The following LOC128125822 variants were observed in gnomAD, a reference collection of about 807,000 sequenced individuals.
the LOC128125822 span, chr6:63,580,072 T>A: frequency 6.2e-7 from 1 of 1,612,592 alleles, no homozygotes; most frequent in Non-Finnish European, 8.5e-7. Flanking sequence ...GGCGTGGAGC[T>A]TTTAACAGCA....
chr6:63,576,842 A>AT, the LOC128125822 span: 1 of 1,511,558 alleles, frequency 6.6e-7, no homozygotes, highest in South Asian at 1.2e-5. Flanking sequence ...TTTTTTAATT[A>AT]TTTCATAACC....
the LOC128125822 span, chr6:63,579,461 C>A: frequency 1.7e-6 from 1 of 587,574 alleles, no homozygotes; most frequent in Non-Finnish European, 2.7e-6. Flanking sequence ...ACCAGGAAAT[C>A]AAGATCTTAC....
the LOC128125822 span, chr6:63,583,477 A>G: frequency 6.6e-6 from 1 of 152,236 alleles, no homozygotes; most frequent in African/African-American, 2.4e-5. Context: ...ATTTGCCTTC[A>G]ATGAATTAAA....
the LOC128125822 span, chr6:63,578,329 C>G: frequency 3.2e-6 from 4 of 1,251,618 alleles, no homozygotes; most frequent in Non-Finnish European, 2.1e-6. Flanking sequence ...TTTAAATGAT[C>G]TTCTGTTAAC....
At chr6:63,572,541 A>C in the LOC128125822 span, 1 of 395,924 alleles carries the variant, frequency 2.5e-6, no homozygotes, top group East Asian at 3.6e-5. Context: ...CTCTGCTCCG[A>C]GCCGCTCACT....
chr6:63,581,187 T>C, the LOC128125822 span: 2 of 152,516 alleles, frequency 1.3e-5, no homozygotes, highest in Non-Finnish European at 2.9e-5. Flanking sequence ...AAGAAATGGG[T>C]TTCTGCTAAT....
At chr6:63,573,386 A>C in the LOC128125822 span, 1 of 152,434 alleles carries the variant, frequency 6.6e-6, no homozygotes, top group South Asian at 2.1e-4. Context: ...CGGGACAGCC[A>C]CTGGGTGCAG....
the LOC128125822 span, chr6:63,578,778 G>A: frequency 1.7e-6 from 2 of 1,167,470 alleles, no homozygotes; most frequent in Admixed American, 3.4e-5. Context: ...GGTTTAATAA[G>A]ATTTGATTAA....
the LOC128125822 span, chr6:63,578,855 T>TG: frequency 6.9e-7 from 1 of 1,440,458 alleles, no homozygotes; most frequent in East Asian, 2.4e-5. Context: ...ACTACAGTGT[T>TG]TATATTAATG....
chr6:63,576,678 G>A, the LOC128125822 span: 1 of 580,458 alleles, frequency 1.7e-6, no homozygotes, highest in South Asian at 2.3e-5. Context: ...TTTTCTGTTG[G>A]CCTCAGTATT....
At chr6:63,578,602 A>C in the LOC128125822 span, 1 of 1,532,232 alleles carries the variant, frequency 6.5e-7, no homozygotes, top group Non-Finnish European at 8.7e-7. Flanking sequence ...AAATTCAAAT[A>C]AATATCTATT....
At chr6:63,582,241 A>G in the LOC128125822 span, 1 of 152,528 alleles carries the variant, frequency 6.6e-6, no homozygotes, top group Non-Finnish European at 1.5e-5. Flanking sequence ...ATAATTTTAT[A>G]TAATCAATTA....
At chr6:63,577,705 C>T in the LOC128125822 span, among the ~76,000 whole-genome samples, 3,159 of 152,082 alleles carry the variant, frequency 0.021, 114 homozygotes, top group African/African-American at 0.071. Context: ...TACAGGCGTA[C>T]GCCACCTTGC....
chr6:63,582,786 G>A, the LOC128125822 span: 1 of 152,186 alleles, frequency 6.6e-6, no homozygotes, highest in Admixed American at 6.5e-5. Context: ...TCATTCTGCA[G>A]TGCACTGCAA....
chr6:63,577,577 G>A, the LOC128125822 span, among the ~76,000 whole-genome samples: 36 of 151,760 alleles, frequency 2.4e-4, no homozygotes, highest in African/African-American at 8.7e-4. Context: ...CTTTTTTTGA[G>A]ATGGAGTCTC....
the LOC128125822 span, chr6:63,572,812 C>T: frequency 3.0e-5 from 12 of 396,772 alleles, no homozygotes; most frequent in African/African-American, 1.6e-4. Context: ...CCGGCGTCTC[C>T]TCCAGGTTGC....
chr6:63,577,116 G>A, the LOC128125822 span: 1 of 687,412 alleles, frequency 1.5e-6, no homozygotes, highest in Non-Finnish European at 2.5e-6. Flanking sequence ...AGAAATAAAT[G>A]TCAATGTCTT....
At chr6:63,582,248 A>G in the LOC128125822 span, 19,675 of 152,418 alleles carry the variant, frequency 0.13, 1,552 homozygotes, top group African/African-American at 0.22. Context: ...TATATAATCA[A>G]TTACTAAATG....
At chr6:63,581,655 T>C in the LOC128125822 span, 1 of 152,150 alleles carries the variant, frequency 6.6e-6, no homozygotes, top group Non-Finnish European at 1.5e-5. Flanking sequence ...TTATATACTT[T>C]TTAAAGGTCT....
Sources: allele counts gnomAD v4.1 joint callset (sites outside exome capture counted in the v4.1 genomes callset), GRCh38; gene constraint gnomAD v4.1.1; transcripts MANE v1.5.